The following TBCK variants were observed in gnomAD, a reference collection of about 807,000 sequenced individuals.
The protein encoded by TBCK is TBC domain-containing protein kinase-like protein.
In TBCK, 99 loss-of-function variants were observed where a neutral mutation model predicts 113.4. That is an observed-to-expected ratio of 0.87 (90% CI 0.74 to 1.03). TBCK has a LOEUF of 1.03. TBCK is among the 50% of genes least tolerant of loss of function. The pLI, the probability that TBCK is intolerant of heterozygous loss-of-function variation, is 0.00. For synonymous variants in TBCK, 369 were observed against 370.8 expected, an observed-to-expected ratio of 1.00 and a Z score of 0.05; for missense variants, 1,045 against 1,061.3, an observed-to-expected ratio of 0.98 and a Z score of 0.21.
chr4:106,133,591 T>C (rs1746211052), intron 23 of TBCK, among the ~76,000 whole-genome samples: 1 of 152,268 alleles, frequency 6.6e-6, no homozygotes, highest in Admixed American at 6.5e-5. Flanking sequence ...TTAGGTTCAC[T>C]GAAATGTTTC....
At chr4:106,115,522 A>G (rs1578939755) in intron 24 of TBCK, among the ~76,000 whole-genome samples, 1 of 152,162 alleles carries the variant, frequency 6.6e-6, no homozygotes, top group East Asian at 1.9e-4. Flanking sequence ...TTTATATTTT[A>G]TATATTGAGT....
At chr4:106,293,222 A>G (rs1043225957) in intron 3 of TBCK, among the ~76,000 whole-genome samples, 4 of 152,180 alleles carry the variant, frequency 2.6e-5, no homozygotes, top group African/African-American at 7.2e-5. Context: ...CAAGATTGGC[A>G]CAAAATCACT....
At position 106,143,062 on chromosome 4, in the gene TBCK, C is replaced by T. The variant is rs150886335; in HGVS notation, c.2236-26684G>A. Among the ~76,000 whole-genome samples, 182 of 152,262 alleles carry T rather than the reference C, an allele frequency of 1.2e-3. 1 individual carries two copies. Among genetic ancestry groups the T allele is most frequent in the Admixed American group, 3.9e-3 (60 of 15,292 alleles). ...ATCATGACAATGTTATTTTTACCAA[C>T]GATAACAATAATTCATATTTATTTT... On this transcript the variant is annotated intron_variant, in intron 23 of 25. Coordinates refer to ENST00000394708, the MANE Select transcript of TBCK (RefSeq NM_001163435.3).
chr4:106,193,628 A>G lies in TBCK; in HGVS notation c.2040T>C (p.Leu680=). 1 of 1,613,454 alleles carries G rather than the reference A, an allele frequency of 6.2e-7. No individual in the cohort carries two copies. The change falls in exon 22 of 26, where the codon CTT becomes CTC. Residue 680 remains leucine, a synonymous_variant. Coordinates refer to ENST00000394708, the MANE Select transcript of TBCK (RefSeq NM_001163435.3). ...CTATACCTGGTAAATCGGAGAAGAG[A>G]AGAATACACTCATTAAAGCCATTAG... ...LLANGFNECI[L]LFSDLPEIDI...
At chr4:106,293,860 C>A (rs757951471) in intron 3 of TBCK, among the ~76,000 whole-genome samples, 1 of 152,104 alleles carries the variant, frequency 6.6e-6, no homozygotes, top group Non-Finnish European at 1.5e-5. Flanking sequence ...TATAAACACT[C>A]GTGGCAAGAT....
At chr4:106,131,726 G>A (rs1001868417) in intron 23 of TBCK, among the ~76,000 whole-genome samples, 1 of 152,190 alleles carries the variant, frequency 6.6e-6, no homozygotes, top group Non-Finnish European at 1.5e-5. Flanking sequence ...GACAGAAGTT[G>A]GAACAGTTTG....
intron 24 of TBCK, among the ~76,000 whole-genome samples, chr4:106,097,696 T>G (rs753743738): frequency 6.6e-6 from 1 of 152,102 alleles, no homozygotes; most frequent in Non-Finnish European, 1.5e-5. Flanking sequence ...TTAGGTGAAA[T>G]AGAACTGCTT....
intron 22 of TBCK, among the ~76,000 whole-genome samples, chr4:106,178,256 T>C (rs1337396165): frequency 6.6e-6 from 1 of 152,006 alleles, no homozygotes; most frequent in African/African-American, 2.4e-5. Flanking sequence ...TAAGGTCATG[T>C]CATCTGTGAA....
intron 25 of TBCK, among the ~76,000 whole-genome samples, chr4:106,081,090 T>C (rs1053530120): frequency 8.5e-5 from 13 of 152,352 alleles, no homozygotes; most frequent in African/African-American, 2.2e-4. Context: ...AGTTGAACCA[T>C]TGTGGAACTA....
intron 20 of TBCK, among the ~76,000 whole-genome samples, chr4:106,201,693 A>T (rs1217157490): frequency 6.6e-6 from 1 of 152,040 alleles, no homozygotes; most frequent in Non-Finnish European, 1.5e-5. Flanking sequence ...AACCATCAAT[A>T]GGAAAAACAA....
At chr4:106,160,594 GA>G (rs142707427) in intron 23 of TBCK, among the ~76,000 whole-genome samples, 4,056 of 151,360 alleles carry the variant, frequency 0.027, 159 homozygotes, top group African/African-American at 0.093. Context: ...AAGAAAAAAA[GA>G]AAAAAAATCA....
At chr4:106,091,046 T>C (rs1163348870) in intron 25 of TBCK, among the ~76,000 whole-genome samples, 1 of 152,180 alleles carries the variant, frequency 6.6e-6, no homozygotes, top group Non-Finnish European at 1.5e-5. Context: ...GTACCAATTA[T>C]CTGTGTTAGT....
intron 25 of TBCK, among the ~76,000 whole-genome samples, chr4:106,069,651 C>A (rs1737126094): frequency 6.6e-6 from 1 of 152,134 alleles, no homozygotes; most frequent in African/African-American, 2.4e-5. Context: ...TCCATATGAA[C>A]TTTAAAGTAG....
At chr4:106,287,419 T>C (rs1305366661) in intron 3 of TBCK, among the ~76,000 whole-genome samples, 1 of 152,204 alleles carries the variant, frequency 6.6e-6, no homozygotes, top group African/African-American at 2.4e-5. Context: ...TCTAAGACAT[T>C]TGTGGTAGTC....
chr4:106,184,388 C>T lies in TBCK; in HGVS notation c.2059+9221G>A, dbSNP rs528683355. The stretch of plus-strand genomic sequence containing the variant: ...AACTGAAAATATTAGAGAACTAATA[C>T]ACAAGGCAGTCAAGTGACTTACCAG... On this transcript the variant is annotated intron_variant, in intron 22 of 25. Transcript: ENST00000394708. Among the ~76,000 whole-genome samples the T allele has an allele frequency of 2.6e-5, 4 of 152,056 alleles. No individual in the cohort carries two copies. In the East Asian group the frequency reaches 7.7e-4, roughly 29 times the overall value.
intron 22 of TBCK, among the ~76,000 whole-genome samples, chr4:106,185,577 A>G (rs939504338): frequency 4.6e-5 from 7 of 152,228 alleles, no homozygotes; most frequent in African/African-American, 1.7e-4. Flanking sequence ...TTCCTGTGAC[A>G]AGAACTTACA....
intron 20 of TBCK, among the ~76,000 whole-genome samples, chr4:106,203,146 A>T (rs1038044237): frequency 6.6e-6 from 1 of 151,994 alleles, no homozygotes; most frequent in African/African-American, 2.4e-5. Context: ...AAGTGCAAGA[A>T]GAACCAGAAA....
intron 12 of TBCK, chr4:106,238,688 T>G (rs1759744675): frequency 6.6e-6 from 1 of 152,132 alleles, no homozygotes; most frequent in Non-Finnish European, 1.5e-5. Flanking sequence ...AAGGCATCAT[T>G]CTTCCTCTAA....
chr4:106,140,872 A>C (rs544878266), intron 23 of TBCK, among the ~76,000 whole-genome samples: 3 of 140,464 alleles, frequency 2.1e-5, no homozygotes, highest in Non-Finnish European at 4.9e-5. Flanking sequence ...CCCTCCACAT[A>C]AATAGAAATT....
Sources: allele counts gnomAD v4.1 joint callset (sites outside exome capture counted in the v4.1 genomes callset), GRCh38; gene constraint gnomAD v4.1.1; transcripts MANE v1.5; gene names NCBI Gene and HGNC (gene_info 2026-07-23, HGNC 2026-07-21).